The following IL10RB variants were observed in gnomAD, a reference collection of about 807,000 sequenced individuals.
The protein encoded by IL10RB is interleukin 10 receptor subunit beta.
In IL10RB, 30 loss-of-function variants were observed where a neutral mutation model predicts 38.7. The ratio of observed to expected loss-of-function variants is 0.78; its 90% CI spans 0.58 to 1.05. The LOEUF (loss-of-function observed/expected upper bound fraction) is 1.05. Ranked by LOEUF, IL10RB falls within the 50% of genes least tolerant of loss-of-function variation. The pLI, the probability that IL10RB is intolerant of heterozygous loss-of-function variation, is 0.00. For synonymous variants in IL10RB, 142 were observed against 145.9 expected, an observed-to-expected ratio of 0.97 and a Z score of 0.19; for missense variants, 328 against 397.1, an observed-to-expected ratio of 0.83 and a Z score of 1.48.
intron 1 of IL10RB, among the ~76,000 whole-genome samples, chr21:33,306,980 A>G (rs1165952707): frequency 1.3e-5 from 2 of 152,170 alleles, no homozygotes; most frequent in African/African-American, 4.8e-5. Context: ...AATTTAGATC[A>G]TGTCATTCCT....
rs573272828 is a variant in IL10RB at position 33,270,336 on chromosome 21, A to AGTTT, written c.173+1820_173+1823dup. Among the ~76,000 whole-genome samples the AGTTT allele has an allele frequency of 6.0e-3, 884 of 148,558 alleles. 11 individuals carry two copies. Among genetic ancestry groups the AGTTT allele is most frequent in the African/African-American group, 0.021 (845 of 40,674 alleles). On this transcript the variant is annotated intron_variant, in intron 2 of 6. Coordinates refer to ENST00000290200, the MANE Select transcript of IL10RB (RefSeq NM_000628.5). ...CTTCTCTGTCTGTCTGTCTCCCTGT[A>AGTTT]GTTTTTCTTGTTCTGTGCTGTGCTT...
At chr21:33,298,083 C>A (rs2082975098), downstream of IL10RB, among the ~76,000 whole-genome samples, 1 of 152,146 alleles carries the variant, frequency 6.6e-6, no homozygotes, top group Non-Finnish European at 1.5e-5. Flanking sequence ...CTCTTAAGGC[C>A]TTCCTTCAAG....
At chr21:33,308,980 A>C (rs1320349296) in exon 2 of IL10RB, 4 of 152,240 alleles carry the variant, frequency 2.6e-5, no homozygotes, top group Non-Finnish European at 5.9e-5. Flanking sequence ...TTGCAGGAGT[A>C]GAAAAGTACC....
At chr21:33,293,352 A>G (rs183712882) in intron 6 of IL10RB, among the ~76,000 whole-genome samples, 1 of 152,370 alleles carries the variant, frequency 6.6e-6, no homozygotes, top group Non-Finnish European at 1.5e-5. Flanking sequence ...GGAAGGGCAC[A>G]GCCTAGAAAG....
intron 2 of IL10RB, 82 bp from the exon 3 acceptor site, chr21:33,276,514 C>A (rs779116421): frequency 9.0e-7 from 1 of 1,114,648 alleles, no homozygotes; most frequent in South Asian, 1.2e-5. Flanking sequence ...GCGCCGCCCC[C>A]CCCTCCAAAT....
intron 6 of IL10RB, among the ~76,000 whole-genome samples, chr21:33,292,920 C>T (rs1015565987): frequency 6.6e-6 from 1 of 152,166 alleles, no homozygotes; most frequent in Non-Finnish European, 1.5e-5. Context: ...GCCTGGGGCC[C>T]CTCCGTGCCA....
At chr21:33,280,550 A>ATAAATACATCCC (rs1989261409) in intron 4 of IL10RB, among the ~76,000 whole-genome samples, 1 of 152,204 alleles carries the variant, frequency 6.6e-6, no homozygotes, top group South Asian at 2.1e-4. Flanking sequence ...CATTGCCTGG[A>ATAAATACATCCC]ATGATGTATA....
intron 1 of IL10RB, among the ~76,000 whole-genome samples, chr21:33,307,418 A>G (rs1345261224): frequency 6.6e-6 from 1 of 152,088 alleles, no homozygotes; most frequent in Non-Finnish European, 1.5e-5. Context: ...CTAGTATATA[A>G]TCTCTGGATC....
At chr21:33,293,114 C>T (rs192698235) in intron 6 of IL10RB, among the ~76,000 whole-genome samples, 106 of 152,310 alleles carry the variant, frequency 7.0e-4, no homozygotes, top group Non-Finnish European at 1.2e-3. Context: ...GCAAGGGTCC[C>T]CTCAAATATC....
chr21:33,285,525 G>T (rs2850004), intron 5 of IL10RB, among the ~76,000 whole-genome samples: 56,228 of 151,700 alleles, frequency 0.37, 11,157 homozygotes, highest in Non-Finnish European at 0.45. Flanking sequence ...CCTCTCTCCT[G>T]CCCCCTGTGG....
exon 2 of IL10RB, chr21:33,309,044 C>A (rs1485482094): frequency 1.3e-5 from 2 of 152,202 alleles, no homozygotes. Flanking sequence ...TGAAGAGGTT[C>A]TTTATGACAG....
Position 33,268,501 on chromosome 21 carries a change from A to T in IL10RB, c.157A>T (p.Thr53Ser). ...PAFAKGNLTF[T>S]AQYLSYRIFQ... is the part of the protein sequence containing the mutation. ...TTTTGCCAAAGGGAACCTGACTTTC[A>T]CAGCTCAGTACCTAAGGTGGGTCTG... The change falls in exon 2 of 7, where the codon ACA (threonine) becomes TCA (serine). Residue 53 changes from threonine to serine, a missense_variant. Thr to Ser is a moderately conservative substitution (Grantham distance 58). Transcript: ENST00000290200. 5 of 1,612,632 alleles carry T rather than the reference A, an allele frequency of 3.1e-6. No homozygotes were observed. Among genetic ancestry groups the T allele is most frequent in the Non-Finnish European group, 4.2e-6 (5 of 1,178,614 alleles).
chr21:33,267,398 G>T (rs8178443), intron 1 of IL10RB, among the ~76,000 whole-genome samples: 3 of 151,748 alleles, frequency 2.0e-5, no homozygotes, highest in African/African-American at 4.8e-5. Flanking sequence ...GTACCAGTTG[G>T]GTGATGGGTG....
downstream of IL10RB, among the ~76,000 whole-genome samples, chr21:33,300,728 AC>A (rs532328818): frequency 2.6e-3 from 403 of 152,312 alleles, 3 homozygotes; most frequent in South Asian, 4.3e-3. Context: ...CATCTCTTCC[AC>A]CATGTGAGGA....
At position 33,285,727 on chromosome 21, in the gene IL10RB, G is replaced by A. The variant is rs549787878; in HGVS notation, c.647-2377G>A. Among the ~76,000 whole-genome samples the A allele has an allele frequency of 2.8e-3, 424 of 152,212 alleles. 1 individual carries two copies. The highest frequency in any genetic ancestry group is 9.8e-3 in the African/African-American group (405 of 41,534). ...TGGATCCCTGTTTGAATGAGTCTCCGGGCGCCAAATTAGAGAACTACCGAA... is the reference window on the plus strand; with the variant it reads ...TGGATCCCTGTTTGAATGAGTCTCCAGGCGCCAAATTAGAGAACTACCGAA... On this transcript the variant is annotated intron_variant, in intron 5 of 6. Transcript: ENST00000290200.
At chr21:33,271,582 G>T (rs1989081398) in intron 2 of IL10RB, among the ~76,000 whole-genome samples, 2 of 151,978 alleles carry the variant, frequency 1.3e-5, no homozygotes, top group African/African-American at 2.4e-5. Flanking sequence ...TACAAAATTA[G>T]CCGGGTATGG....
intron 1 of IL10RB, among the ~76,000 whole-genome samples, chr21:33,304,170 C>G (rs964817429): frequency 6.6e-6 from 1 of 152,182 alleles, no homozygotes; most frequent in Admixed American, 6.5e-5. Flanking sequence ...TCTGCCACGG[C>G]GGGGACAGCA....
At chr21:33,276,816 T>C in intron 3 of IL10RB, 63 bp downstream of exon 3, 2 of 1,455,770 alleles carry the variant, frequency 1.4e-6, no homozygotes, top group Non-Finnish European at 1.9e-6. Context: ...TTTTCCACAT[T>C]GGTTGGTCCA....
At chr21:33,275,306 C>T (rs1989151422) in intron 2 of IL10RB, among the ~76,000 whole-genome samples, 1 of 152,078 alleles carries the variant, frequency 6.6e-6, no homozygotes, top group African/African-American at 2.4e-5. Flanking sequence ...CAGGTGCATG[C>T]CACCATGCCC....
Sources: allele counts gnomAD v4.1 joint callset (sites outside exome capture counted in the v4.1 genomes callset), GRCh38; gene constraint gnomAD v4.1.1; transcripts MANE v1.5; gene names NCBI Gene and HGNC (gene_info 2026-07-23, HGNC 2026-07-21).